The following SH3BP5 variants were observed in gnomAD, a reference collection of about 807,000 sequenced individuals.
SH3BP5 encodes SH3 domain binding protein 5, also known as SH3 domain-binding protein 5.
Under a neutral mutation model 43.3 loss-of-function variants are expected in SH3BP5, and 22 were observed. The observed-to-expected ratio is 0.51, with a 90% CI of 0.36 to 0.73. The LOEUF is 0.73. Ranked by LOEUF, SH3BP5 falls within the 30% of genes least tolerant of loss-of-function variation. SH3BP5 has a pLI of 0.00. For synonymous variants in SH3BP5, 255 were observed against 225.8 expected (o/e 1.13, Z -1.16); for missense variants, 529 against 586.9 (o/e 0.90, Z 1.02).
intron 3 of SH3BP5, among the ~76,000 whole-genome samples, chr3:15,270,083 A>G (rs187937539): frequency 6.6e-6 from 1 of 152,290 alleles, no homozygotes; most frequent in East Asian, 1.9e-4. Context: ...TGAGCGAACA[A>G]TTTCCACAGT....
At chr3:15,302,169 T>C (rs1697772018) in intron 3 of SH3BP5, among the ~76,000 whole-genome samples, 1 of 152,066 alleles carries the variant, frequency 6.6e-6, no homozygotes, top group African/African-American at 2.4e-5. Context: ...TGGCCTACAG[T>C]GGGTAGGACA....
intron 4 of SH3BP5, among the ~76,000 whole-genome samples, chr3:15,263,028 A>G (rs1696507065): frequency 6.6e-6 from 1 of 152,260 alleles, no homozygotes; most frequent in Non-Finnish European, 1.5e-5. Flanking sequence ...CAGACTAAGA[A>G]TAAACCAACT....
At chr3:15,310,190 C>T (rs552188647) in intron 2 of SH3BP5, among the ~76,000 whole-genome samples, 3 of 152,150 alleles carry the variant, frequency 2.0e-5, no homozygotes, top group African/African-American at 4.8e-5. Flanking sequence ...GACTTCATTT[C>T]GGGACCTTTC....
intron 7 of SH3BP5, 71 bp from the exon 8 acceptor site, chr3:15,257,184 G>T: frequency 6.6e-7 from 1 of 1,516,782 alleles, no homozygotes. Flanking sequence ...CTTGCTGCTG[G>T]CAGGCAGCTA....
intron 5 of SH3BP5, 125 bp downstream of exon 5, chr3:15,262,034 G>T: frequency 9.2e-7 from 1 of 1,082,686 alleles, no homozygotes; most frequent in African/African-American, 1.6e-5. Flanking sequence ...GGGCTCTGGT[G>T]AGGCCCCAGG....
At chr3:15,294,331 G>GTGTGTGCA (rs1491090241) in intron 3 of SH3BP5, among the ~76,000 whole-genome samples, 1 of 73,226 alleles carries the variant, frequency 1.4e-5, no homozygotes, top group East Asian at 3.5e-4. Context: ...GTGTGTGTGT[G>GTGTGTGCA]CGCGCGCATG....
chr3:15,281,591 C>A (rs529955596), intron 3 of SH3BP5, among the ~76,000 whole-genome samples: 1 of 152,114 alleles, frequency 6.6e-6, no homozygotes, highest in Non-Finnish European at 1.5e-5. Flanking sequence ...CTGGGGGTTG[C>A]GAGCATAACA....
At chr3:15,262,110 C>T in intron 5 of SH3BP5, 49 bp downstream of exon 5, 1 of 1,602,514 alleles carries the variant, frequency 6.2e-7, no homozygotes, top group Non-Finnish European at 8.5e-7. Flanking sequence ...TGAGAAGATG[C>T]AGACTAGGAC....
intron 4 of SH3BP5, chr3:15,264,636 C>T (rs1696569677): frequency 6.6e-6 from 1 of 152,140 alleles, no homozygotes; most frequent in South Asian, 2.1e-4. Context: ...TAAGCTGGCA[C>T]GAGGAGACAT....
chr3:15,309,442 G>A (rs1697994578), intron 2 of SH3BP5, among the ~76,000 whole-genome samples: 1 of 152,098 alleles, frequency 6.6e-6, no homozygotes, highest in Non-Finnish European at 1.5e-5. Context: ...CTATTCACAG[G>A]CATGATCATA....
upstream of SH3BP5, among the ~76,000 whole-genome samples, chr3:15,334,136 A>G (rs979172685): frequency 1.3e-5 from 2 of 152,204 alleles, no homozygotes; most frequent in African/African-American, 4.8e-5. Context: ...GGCAAACTCC[A>G]AACTACATTC....
chr3:15,265,512 T>TCTCTCTCACACACACACA (rs1318765546), intron 4 of SH3BP5, among the ~76,000 whole-genome samples: 3 of 107,932 alleles, frequency 2.8e-5, no homozygotes, highest in African/African-American at 1.2e-4. Flanking sequence ...CGAGACTCCG[T>TCTCTCTCACACACACACA]CACACACACA....
Position 15,259,321 on chromosome 3 carries a change from A to C in SH3BP5, c.670-271T>G, listed in dbSNP as rs1156745751. On this transcript the variant is annotated intron_variant, in intron 6 of 8. Coordinates refer to ENST00000383791, the MANE Select transcript of SH3BP5 (RefSeq NM_004844.5). ...CCCCATCAGGGAAGCAAAAATGGGCATCAGACACACCAAAGTCCCACAGTC... is the reference window on the plus strand; with the variant it reads ...CCCCATCAGGGAAGCAAAAATGGGCCTCAGACACACCAAAGTCCCACAGTC... 5.4e-6 allele frequency: 3 copies of C among 557,924 alleles called. No homozygotes were observed. The African/African-American group carries it at 5.7e-5, about 11-fold the overall frequency. 34.6% of individuals were successfully genotyped at this position (557,924 alleles called of 1,614,324 possible).
chr3:15,287,580 C>G (rs1195563987), intron 3 of SH3BP5, among the ~76,000 whole-genome samples: 1 of 152,148 alleles, frequency 6.6e-6, no homozygotes, highest in Non-Finnish European at 1.5e-5. Flanking sequence ...ATATGGCCAG[C>G]CAGGGTGAAT....
intron 3 of SH3BP5, chr3:15,273,089 C>T: frequency 2.0e-6 from 2 of 980,268 alleles, no homozygotes; most frequent in Non-Finnish European, 2.4e-6. Context: ...GCCACTCCAC[C>T]CCCTACCCAT....
chr3:15,277,405 T>G (rs1227967309), intron 3 of SH3BP5, among the ~76,000 whole-genome samples: 1 of 152,114 alleles, frequency 6.6e-6, no homozygotes, highest in African/African-American at 2.4e-5. Context: ...CAGGTCGGGA[T>G]GGGCAGGGAG....
At chr3:15,323,301 C>G (rs1383923676) in intron 2 of SH3BP5, among the ~76,000 whole-genome samples, 1 of 152,298 alleles carries the variant, frequency 6.6e-6, no homozygotes, top group African/African-American at 2.4e-5. Context: ...TGACCCCCTT[C>G]CCAGTGCCAA....
intron 3 of SH3BP5, among the ~76,000 whole-genome samples, chr3:15,287,346 C>T (rs545838312): frequency 1.2e-4 from 18 of 152,312 alleles, no homozygotes; most frequent in East Asian, 7.7e-4. Context: ...ACAACCATAA[C>T]GCTCAAGTTC....
intron 3 of SH3BP5, among the ~76,000 whole-genome samples, chr3:15,272,720 G>GATAAAGACATATTAC (rs1173079973): frequency 6.6e-6 from 1 of 151,488 alleles, no homozygotes; most frequent in South Asian, 2.1e-4. Context: ...GTGCCTGTAG[G>GATAAAGACATATTAC]AGATTCGATG....
Sources: gnomAD v4.1 joint callset for allele counts (sites outside exome capture counted in the v4.1 genomes callset) on GRCh38, gnomAD v4.1.1 for gene constraint, MANE v1.5 for transcripts, NCBI Gene and HGNC (gene_info 2026-07-23, HGNC 2026-07-21) for gene names.